Variants in SMCO2 observed in about 807,000 individuals in gnomAD.
The protein encoded by SMCO2 is single-pass membrane and coiled-coil domain-containing protein 2.
SMCO2 carries 25 observed loss-of-function variants against 29.5 expected under a neutral mutation model. The observed-to-expected ratio is 0.85, with a 90% CI of 0.62 to 1.18. SMCO2 has a LOEUF of 1.18. Among genes scored for constraint, SMCO2 ranks in the 50% most tolerant of loss-of-function variants. SMCO2 has a pLI of 0.00. For synonymous variants in SMCO2, 117 were observed against 123.3 expected (o/e 0.95, Z 0.34); for missense variants, 348 against 344.5 (o/e 1.01, Z -0.08).
the SMCO2 span, among the ~76,000 whole-genome samples, chr12:27,428,818 C>CTTTTTTT: frequency 3.8e-5 from 5 of 130,050 alleles, no homozygotes; most frequent in African/African-American, 5.8e-5. Context: ...AATAAATGTA[C>CTTTTTTT]TTTTTTTTTT....
intron 4 of SMCO2, among the ~76,000 whole-genome samples, chr12:27,483,703 G>C (rs1419265555): frequency 6.6e-6 from 1 of 152,114 alleles, no homozygotes; most frequent in Non-Finnish European, 1.5e-5. Context: ...GAGATTATAG[G>C]CGTGAACCGT....
the SMCO2 span, among the ~76,000 whole-genome samples, chr12:27,448,795 A>C: frequency 6.6e-6 from 1 of 152,190 alleles, no homozygotes; most frequent in African/African-American, 2.4e-5. Flanking sequence ...ATTCACTCGG[A>C]GGTCACTCTA....
chr12:27,474,981 A>T, intron 4 of SMCO2, 68 bp downstream of exon 4: 2 of 1,507,590 alleles, frequency 1.3e-6, no homozygotes, highest in Non-Finnish European at 1.8e-6. Context: ...ATTTAAGCAG[A>T]TAACTTAGGG....
upstream of SMCO2, among the ~76,000 whole-genome samples, chr12:27,463,915 CAG>C (rs997570848): frequency 6.6e-6 from 1 of 152,074 alleles, no homozygotes; most frequent in African/African-American, 2.4e-5. Flanking sequence ...AGAGAGAAAA[CAG>C]AAGCAGGTTT....
the SMCO2 span, among the ~76,000 whole-genome samples, chr12:27,429,478 C>CA: frequency 0.017 from 2,526 of 147,210 alleles, 52 homozygotes; most frequent in African/African-American, 0.045. Flanking sequence ...CATAAAATTA[C>CA]AAAAAAAAAA....
At chr12:27,478,006 A>G (rs1453011740) in intron 4 of SMCO2, among the ~76,000 whole-genome samples, 3 of 152,032 alleles carry the variant, frequency 2.0e-5, no homozygotes, top group East Asian at 3.9e-4. Context: ...ATTGATATCT[A>G]TACATCTGGT....
the SMCO2 span, among the ~76,000 whole-genome samples, chr12:27,447,241 C>T: frequency 3.9e-5 from 6 of 152,306 alleles, no homozygotes; most frequent in East Asian, 9.6e-4. Context: ...TACCTCACCA[C>T]CTCATGCCCC....
At chr12:27,430,994 T>C in the SMCO2 span, among the ~76,000 whole-genome samples, 1 of 152,144 alleles carries the variant, frequency 6.6e-6, no homozygotes, top group East Asian at 1.9e-4. Context: ...ACAAAAGATA[T>C]TTAGTTATGA....
At chr12:27,501,191 C>T (rs935669613) in intron 7 of SMCO2, among the ~76,000 whole-genome samples, 3 of 148,942 alleles carry the variant, frequency 2.0e-5, no homozygotes, top group Non-Finnish European at 3.0e-5. Context: ...CCGAGGCGGG[C>T]GGATCACGAG....
the SMCO2 span, among the ~76,000 whole-genome samples, chr12:27,446,810 C>T: frequency 7.2e-5 from 11 of 152,236 alleles, no homozygotes; most frequent in Non-Finnish European, 1.2e-4. Flanking sequence ...GGCCCACTCC[C>T]GGAGTTCCTG....
chr12:27,498,108 C>A, intron 7 of SMCO2: 1 of 342,962 alleles, frequency 2.9e-6, no homozygotes. Context: ...ACATCTGTTG[C>A]TTATGGCTGT....
At chr12:27,463,137 C>T (rs1386988264), upstream of SMCO2, among the ~76,000 whole-genome samples, 1 of 152,324 alleles carries the variant, frequency 6.6e-6, no homozygotes, top group East Asian at 1.9e-4. Context: ...GGAAAGCTGT[C>T]AAGGTCAAGG....
intron 7 of SMCO2, 64 bp downstream of exon 8, chr12:27,495,919 G>A: frequency 1.5e-6 from 2 of 1,293,804 alleles, no homozygotes; most frequent in Non-Finnish European, 2.0e-6. Flanking sequence ...GATTATGCTG[G>A]GATTGATTTT....
chr12:27,428,065 G>T, the SMCO2 span, among the ~76,000 whole-genome samples: 30 of 152,136 alleles, frequency 2.0e-4, no homozygotes, highest in East Asian at 5.8e-3. Context: ...GGTGACACCA[G>T]TTGGTTCATC....
At chr12:27,486,517 G>C (rs1428298207) in intron 4 of SMCO2, among the ~76,000 whole-genome samples, 1 of 152,130 alleles carries the variant, frequency 6.6e-6, no homozygotes, top group Non-Finnish European at 1.5e-5. Context: ...GTTTAAAATT[G>C]TTTAAAATGG....
intron 4 of SMCO2, among the ~76,000 whole-genome samples, chr12:27,481,220 T>C (rs895922468): frequency 6.6e-6 from 1 of 152,206 alleles, no homozygotes; most frequent in Non-Finnish European, 1.5e-5. Context: ...CTGCAGTTGC[T>C]TTGGTCTCAG....
At chr12:27,477,891 A>G (rs935125574) in intron 4 of SMCO2, among the ~76,000 whole-genome samples, 2 of 151,802 alleles carry the variant, frequency 1.3e-5, no homozygotes, top group African/African-American at 4.8e-5. Flanking sequence ...ATTCTTTTTC[A>G]GGCATTTCAT....
chr12:27,431,301 C>T, the SMCO2 span, among the ~76,000 whole-genome samples: 5 of 152,164 alleles, frequency 3.3e-5, no homozygotes, highest in African/African-American at 1.2e-4. Flanking sequence ...AGCTACTGCA[C>T]CTGGCCTCAA....
At chr12:27,431,644 G>GT in the SMCO2 span, among the ~76,000 whole-genome samples, 2 of 151,858 alleles carry the variant, frequency 1.3e-5, no homozygotes. Flanking sequence ...AAATCCATCC[G>GT]TCCATTGAAG....
Sources: allele counts gnomAD v4.1 joint callset (sites outside exome capture counted in the v4.1 genomes callset), GRCh38; gene constraint gnomAD v4.1.1; transcripts MANE v1.5; gene names NCBI Gene and HGNC (gene_info 2026-07-23, HGNC 2026-07-21).